Variants in TREM2 observed in about 807,000 individuals in gnomAD.
TREM2 encodes triggering receptor expressed on monocytes 2.
A neutral mutation model predicts 22.9 loss-of-function variants in TREM2; 20 were observed. The observed-to-expected ratio is 0.87, with a 90% CI of 0.61 to 1.27. The LOEUF (loss-of-function observed/expected upper bound fraction) is 1.27. TREM2 is among the 50% of genes most tolerant of loss of function. The pLI, the probability that TREM2 is intolerant of heterozygous loss-of-function variation, is 0.00. For synonymous variants in TREM2, 111 were observed against 120.9 expected, an observed-to-expected ratio of 0.92 and a Z score of 0.54; for missense variants, 267 against 289.0, an observed-to-expected ratio of 0.92 and a Z score of 0.55.
intron 1 of TREM2, among the ~76,000 whole-genome samples, chr6:41,162,635 C>T (rs547571658): frequency 6.6e-6 from 1 of 152,274 alleles, no homozygotes; most frequent in East Asian, 1.9e-4. Context: ...TGCAGATGAA[C>T]ATCCTCAGGT....
intron 2 of TREM2, among the ~76,000 whole-genome samples, chr6:41,160,241 A>G (rs1032507602): frequency 3.3e-5 from 5 of 152,156 alleles, no homozygotes; most frequent in African/African-American, 1.2e-4. Context: ...TACACAAGCT[A>G]TGGGCTACTT....
In TREM2 at chr6:41,161,322, T is replaced by C; in HGVS notation, c.332A>G (p.Gln111Arg). 2 of 1,614,248 alleles carry C rather than the reference T, an allele frequency of 1.2e-6. No homozygotes were observed. Among genetic ancestry groups the C allele is most frequent in the East Asian group, 2.2e-5 (1 of 44,888 alleles). ...QPHDAGLYQC[Q>R]SLHGSEADTL... Reference sequence around the variant, plus strand: ...GTCAGCCTCACTGCCATGGAGGCTCTGGCACTGGTAGAGACCCGCATCATG... The same window carrying C: ...GTCAGCCTCACTGCCATGGAGGCTCCGGCACTGGTAGAGACCCGCATCATG... Residue 111 changes from glutamine (Q) to arginine (R), a missense_variant, in exon 2 of 5, where the codon CAG becomes CGG. Transcript: ENST00000373113.
chr6:41,159,850 A>T lies in TREM2; in HGVS notation c.424T>A (p.Trp142Arg), dbSNP rs778620014. 2 of 1,614,060 alleles carry T rather than the reference A, an allele frequency of 1.2e-6. No individual in the cohort carries two copies. Among genetic ancestry groups the T allele is most frequent in the South Asian group, 2.2e-5 (2 of 91,084 alleles). ...PLDHRDAGDL[W>R]FPGESESFED... ...AAGCTCTCAGACTCCCCGGGGAACC[A>T]GAGATCTCCAGCATCCCGGTGATCC... Residue 142 changes from tryptophan (W) to arginine (R), a missense_variant, in exon 3 of 5, where the codon TGG (tryptophan) becomes AGG (arginine). Trp to Arg is a moderately radical substitution (Grantham distance 101). Transcript: ENST00000373113.
chr6:41,159,724 C>G (rs1765509609), intron 3 of TREM2, 68 bp downstream of exon 3: 1 of 1,459,638 alleles, frequency 6.9e-7, no homozygotes, highest in South Asian at 1.1e-5. Flanking sequence ...ATGCCCAGCC[C>G]CCACCCCCGT....
Position 41,161,271 on chromosome 6 carries a change from A to T in TREM2, c.383T>A (p.Val128Glu). The T allele has an allele frequency of 6.2e-7, 1 of 1,613,790 alleles. No homozygotes were observed. Among genetic ancestry groups the T allele is most frequent in the Non-Finnish European group, 8.5e-7 (1 of 1,179,856 alleles). Residue 128 changes from valine (V) to glutamate (E), a missense_variant, in exon 2 of 5, where the codon GTG becomes GAG. By Grantham distance (121) the Val-to-Glu change is moderately radical (BLOSUM62 -2). Coordinates refer to ENST00000373113, the MANE Select transcript of TREM2 (RefSeq NM_018965.4). ...ADTLRKVLVE[V>E]LADPLDHRDA... ...AGCCACTGCCCACTCACCTGCCAGC[A>T]CCTCCACCAGGACCTTCCTGAGGGT...
At chr6:41,159,167 C>A (rs1008987413) in intron 3 of TREM2, 101 bp from the exon 4 acceptor site, 1 of 1,420,010 alleles carries the variant, frequency 7.0e-7, no homozygotes, top group African/African-American at 1.4e-5. Flanking sequence ...AGGACCTCAG[C>A]AAATCCCACC....
At chr6:41,161,691 G>T in intron 1 of TREM2, 78 bp from the exon 2 acceptor site, 2 of 1,290,266 alleles carry the variant, frequency 1.6e-6, no homozygotes, top group Non-Finnish European at 2.2e-6. Context: ...GACCTAAACA[G>T]ACAAAAATCC....
At chr6:41,161,755 G>A (rs1391109366) in intron 1 of TREM2, 142 bp from the exon 2 acceptor site, 7 of 730,154 alleles carry the variant, frequency 9.6e-6, no homozygotes, top group Non-Finnish European at 1.6e-5. Context: ...GGCACAGCAT[G>A]TGTTTGTGGG....
rs1306444285 is a variant in TREM2, at chr6:41,159,023, G to A, written c.526C>T (p.Leu176Phe). Residue 176 changes from leucine (L) to phenylalanine (F), a missense_variant, in exon 4 of 5, where the codon CTT (leucine) becomes TTT (phenylalanine). Physicochemically the swap from Leu to Phe is conservative, Grantham distance 22. Transcript: ENST00000373113. ...AGAAAGATGCAGGCCAGGAGGAGAAGGATGGAAGTGGGTGGGAAGGGGATT... is the reference window on the plus strand; with the variant it reads ...AGAAAGATGCAGGCCAGGAGGAGAAAGATGGAAGTGGGTGGGAAGGGGATT... ...GEIPFPPTSI[L>F]LLLACIFLIK... 2 of 1,614,066 alleles carry A rather than the reference G, an allele frequency of 1.2e-6. No homozygotes were observed. Among genetic ancestry groups the A allele is most frequent in the Non-Finnish European group, 1.7e-6 (2 of 1,180,028 alleles).
chr6:41,159,357 G>A (rs1582077292), intron 3 of TREM2, among the ~76,000 whole-genome samples: 1 of 152,306 alleles, frequency 6.6e-6, no homozygotes, highest in Non-Finnish European at 1.5e-5. Flanking sequence ...GTACACACAT[G>A]TGGTTATATG....
rs1388088444 is a variant in TREM2, at chr6:41,161,633, T to C, written c.41-20A>G. On this transcript the variant is annotated intron_variant, in intron 1 of 4. Coordinates refer to ENST00000373113, the MANE Select transcript of TREM2 (RefSeq NM_018965.4). ...ACAGCTCTGGGGAGGAGACATTCATTCACTCCTTTGTTTACCAAATACGCT... is the reference window on the plus strand; with the variant it reads ...ACAGCTCTGGGGAGGAGACATTCATCCACTCCTTTGTTTACCAAATACGCT... 2.5e-6 allele frequency: 4 copies of C among 1,597,462 alleles called. No individual in the cohort carries two copies. Among genetic ancestry groups the C allele is most frequent in the Non-Finnish European group, 1.7e-6 (2 of 1,168,526 alleles).
At position 41,159,877 on chromosome 6, in the gene TREM2, G is replaced by T. The variant is rs1482867735; in HGVS notation, c.397C>A (p.Leu133Met). 1 of 1,613,674 alleles carries T rather than the reference G, an allele frequency of 6.2e-7. No homozygotes were observed. The highest frequency in any genetic ancestry group is 8.5e-7 in the Non-Finnish European group (1 of 1,179,862). Reference protein sequence around the residue: ...KVLVEVLADPLDHRDAGDLWF... With the variant: ...KVLVEVLADPMDHRDAGDLWF... ...AGATCTCCAGCATCCCGGTGATCCA[G>T]GGGGTCTATGGGAGGCAGAGCCATG... Residue 133 changes from leucine to methionine, a missense_variant, in exon 3 of 5, where the codon CTG (leucine) becomes ATG (methionine). Physicochemically the swap from Leu to Met is conservative, Grantham distance 15 (BLOSUM62 2). Transcript: ENST00000373113.
rs144933720 is a variant in TREM2 at position 41,160,955 on chromosome 6, G to A, written c.391+308C>T. On this transcript the variant is annotated intron_variant, in intron 2 of 4. Coordinates refer to ENST00000373113, the MANE Select transcript of TREM2 (RefSeq NM_018965.4). ...AGATGGATAAAGCTGTTTGGGCAAG[G>A]AGGGCCAAGGCCAGGCTAGTTCACA... Among the ~76,000 whole-genome samples the A allele has an allele frequency of 6.8e-3, 1,034 of 152,318 alleles. 6 individuals carry two copies. The highest frequency in any genetic ancestry group is 0.011 in the Non-Finnish European group (775 of 68,004).
Position 41,163,025 on chromosome 6 carries a change from G to C in TREM2, c.40+18C>G. The C allele has an allele frequency of 6.2e-7, 1 of 1,614,098 alleles. No homozygotes were observed. The highest frequency in any genetic ancestry group is 8.5e-7 in the Non-Finnish European group (1 of 1,179,978). On this transcript the variant is annotated intron_variant, in intron 1 of 4. Coordinates refer to ENST00000373113, the MANE Select transcript of TREM2 (RefSeq NM_018965.4). ...AGTGAGGGAGAGAAGGCATCACAGG[G>C]CACGGAGGGGATCCTACCTGTGACA...
chr6:41,160,965 G>C (rs1362044220), intron 2 of TREM2, among the ~76,000 whole-genome samples: 1 of 152,196 alleles, frequency 6.6e-6, no homozygotes, highest in African/African-American at 2.4e-5. Context: ...GAGGGCCAAG[G>C]CCAGGCTAGT....
In TREM2 at chr6:41,158,538, T is replaced by C. The variant is rs963307544; in HGVS notation, c.*226A>G. The stretch of plus-strand genomic sequence containing the variant: ...CTAAATATGACAGTCTTGGATTTAT[T>C]TGTAAGTGTTTAAAATGTCCAATAT... On this transcript the variant is annotated 3_prime_UTR_variant, in exon 5 of 5. Transcript: ENST00000373113. 4 of 1,458,846 alleles carry C rather than the reference T, an allele frequency of 2.7e-6. No homozygotes were observed. Among genetic ancestry groups the C allele is most frequent in the East Asian group, 2.5e-5 (1 of 40,192 alleles). 90.4% of individuals were successfully genotyped at this position (1,458,846 alleles called of 1,614,324 possible).
rs150598166 is a variant in TREM2 at position 41,159,764 on chromosome 6, G to A, written c.482+28C>T. ...CTCTGCAGGGTGGAAGTCTGCCCACGGGTTTTAGGAAAGACCCATCGCTGT... is the reference window on the plus strand; with the variant it reads ...CTCTGCAGGGTGGAAGTCTGCCCACAGGTTTTAGGAAAGACCCATCGCTGT... On this transcript the variant is annotated intron_variant, in intron 3 of 4. Transcript: ENST00000373113. The A allele has an allele frequency of 5.8e-5, 93 of 1,609,486 alleles. No individual in the cohort carries two copies. In the African/African-American group the frequency reaches 7.3e-4, roughly 13 times the overall value.
chr6:41,161,312 A>G lies in TREM2; in HGVS notation c.342T>C (p.His114=), dbSNP rs781244560. The G allele has an allele frequency of 4.3e-6, 7 of 1,614,102 alleles. No homozygotes were observed. Among genetic ancestry groups the G allele is most frequent in the Admixed American group, 3.3e-5 (2 of 60,006 alleles). Residue 114 remains histidine, a synonymous_variant, in exon 2 of 5, where the codon CAT becomes CAC. Coordinates refer to ENST00000373113, the MANE Select transcript of TREM2 (RefSeq NM_018965.4). ...TCCTGAGGGTGTCAGCCTCACTGCCATGGAGGCTCTGGCACTGGTAGAGAC... is the reference window on the plus strand; with the variant it reads ...TCCTGAGGGTGTCAGCCTCACTGCCGTGGAGGCTCTGGCACTGGTAGAGAC... ...DAGLYQCQSL[H]GSEADTLRKV...
At chr6:41,159,171 TC>T in intron 3 of TREM2, 105 bp from the exon 4 acceptor site, 2 of 1,406,344 alleles carry the variant, frequency 1.4e-6, no homozygotes, top group Admixed American at 2.0e-5. Flanking sequence ...CCTCAGCAAA[TC>T]CCACCCAGCA....
Sources: gnomAD v4.1 joint callset for allele counts (sites outside exome capture counted in the v4.1 genomes callset) on GRCh38, gnomAD v4.1.1 for gene constraint, MANE v1.5 for transcripts, NCBI Gene and HGNC (gene_info 2026-07-23, HGNC 2026-07-21) for gene names.